Variants in TRIM49 observed in about 807,000 individuals in gnomAD.
TRIM49 encodes the protein tripartite motif containing 49.
A neutral mutation model predicts 27.4 loss-of-function variants in TRIM49; 5 were observed. The observed-to-expected ratio is 0.18, with a 90% confidence interval of 0.10 to 0.38. The LOEUF (loss-of-function observed/expected upper bound fraction) is 0.38, where lower values mean the gene tolerates loss of function less well. TRIM49 is among the 10% of genes least tolerant of loss of function. The pLI is 1.00. For synonymous variants in TRIM49, 69 were observed against 166.0 expected (o/e 0.42, Z 4.49); for missense variants, 188 against 487.5 (o/e 0.39, Z 5.79).
chr11:89,791,618 C>G, the TRIM49 span, among the ~76,000 whole-genome samples: 1 of 150,998 alleles, frequency 6.6e-6, no homozygotes, highest in Non-Finnish European at 1.5e-5. Flanking sequence ...AATTTTCAAC[C>G]CAGAATATCA....
At chr11:89,803,009 A>G (rs1449659287) in intron 4 of TRIM49, among the ~76,000 whole-genome samples, 1 of 150,594 alleles carries the variant, frequency 6.6e-6, no homozygotes, top group Admixed American at 6.6e-5. Flanking sequence ...TTTTCAACAA[A>G]CTAATCTTAG....
Position 89,798,400 on chromosome 11 carries a change from T to C in TRIM49, c.1089A>G (p.Lys363=), listed in dbSNP as rs560492199. ...WAFGVCNMYR[K]EKNQNEKIDG... ...CTATCTTCTCATTCTGATTCTTCTC[T>C]TTCCGATACATATTACAGACACCAA... Residue 363 remains lysine (K), a synonymous_variant, in exon 8 of 8, where the codon AAA becomes AAG. Coordinates refer to ENST00000329758, the MANE Select transcript of TRIM49 (RefSeq NM_020358.2). 59 of 1,603,564 alleles carry C rather than the reference T, an allele frequency of 3.7e-5. No individual in the cohort carries two copies. The highest frequency in any genetic ancestry group is 1.7e-4 in the Middle Eastern group (1 of 6,030).
chr11:89,802,889 ACT>A (rs1289226781), intron 4 of TRIM49, among the ~76,000 whole-genome samples: 7 of 148,936 alleles, frequency 4.7e-5, no homozygotes, highest in African/African-American at 1.8e-4. Context: ...TGACAATTTG[ACT>A]CTCTTATTTG....
Position 89,804,330 on chromosome 11 carries a change from G to A in TRIM49, c.140C>T (p.Pro47Leu). The stretch of plus-strand genomic sequence containing the variant: ...GCATTCAGAGCACTGGACAAGAAAT[G>A]GGATGTCTTGCCAGTTGAGGTAGAA... Reference protein sequence around the residue: ...PCFYLNWQDIPFLVQCSECTK... With the variant: ...PCFYLNWQDILFLVQCSECTK... The change falls in exon 3 of 8, where the codon CCA becomes CTA. Residue 47 changes from proline to leucine, a missense_variant. Pro to Leu is a moderately conservative substitution (Grantham distance 98). Coordinates refer to ENST00000329758, the MANE Select transcript of TRIM49 (RefSeq NM_020358.2). 6.2e-7 allele frequency: 1 copy of A among 1,611,734 alleles called. No individual in the cohort carries two copies. Among genetic ancestry groups the A allele is most frequent in the East Asian group, 2.2e-5 (1 of 44,834 alleles).
chr11:89,793,189 G>A (rs1300249576), downstream of TRIM49, among the ~76,000 whole-genome samples: 3 of 152,146 alleles, frequency 2.0e-5, no homozygotes, highest in East Asian at 5.8e-4. Context: ...CCAGGAAGAA[G>A]TTGAATCCCT....
the TRIM49 span, among the ~76,000 whole-genome samples, chr11:89,774,402 A>T: frequency 2.0e-5 from 3 of 150,906 alleles, no homozygotes; most frequent in Non-Finnish European, 4.4e-5. Flanking sequence ...TCTGGTTTTC[A>T]ATACTTTATA....
the TRIM49 span, among the ~76,000 whole-genome samples, chr11:89,776,785 T>G: frequency 6.6e-6 from 1 of 151,464 alleles, no homozygotes; most frequent in African/African-American, 2.4e-5. Context: ...CAATGGCTAT[T>G]GAGCGAAAAC....
At chr11:89,777,558 A>C in the TRIM49 span, among the ~76,000 whole-genome samples, 1 of 145,390 alleles carries the variant, frequency 6.9e-6, no homozygotes, top group African/African-American at 2.6e-5. Context: ...TTGGCACTCT[A>C]ATCATAGCTG....
the TRIM49 span, chr11:89,766,648 G>A: frequency 7.4e-7 from 1 of 1,357,782 alleles, no homozygotes; most frequent in Non-Finnish European, 1.0e-6. Context: ...GAGCCAGCTG[G>A]GTAATTCCAT....
the TRIM49 span, among the ~76,000 whole-genome samples, chr11:89,776,766 C>A: frequency 6.6e-6 from 1 of 151,844 alleles, no homozygotes; most frequent in African/African-American, 2.4e-5. Flanking sequence ...GAGTCCTGAA[C>A]CAAATCTTCA....
At chr11:89,773,932 G>T in the TRIM49 span, among the ~76,000 whole-genome samples, 43 of 135,166 alleles carry the variant, frequency 3.2e-4, 8 homozygotes, top group Admixed American at 6.9e-4. Flanking sequence ...GCAAGATACC[G>T]TCTCAAAAGA....
the TRIM49 span, among the ~76,000 whole-genome samples, chr11:89,770,543 T>A: frequency 2.1e-5 from 3 of 142,694 alleles, 1 homozygote; most frequent in African/African-American, 8.8e-5. Context: ...CTATACTATG[T>A]CTTTTCTGAC....
At chr11:89,777,497 T>G in the TRIM49 span, 2 of 1,438,264 alleles carry the variant, frequency 1.4e-6, no homozygotes, top group Non-Finnish European at 1.8e-6. Flanking sequence ...TGGTGATTAT[T>G]CCATGTCAAT....
At chr11:89,773,282 CAT>C in the TRIM49 span, among the ~76,000 whole-genome samples, 2,123 of 124,128 alleles carry the variant, frequency 0.017, 248 homozygotes, top group African/African-American at 0.04. Flanking sequence ...TAGTTATGTA[CAT>C]ATATATGTAA....
chr11:89,798,698 A>G, intron 7 of TRIM49, 69 bp from the exon 8 acceptor site: 1 of 1,394,702 alleles, frequency 7.2e-7, no homozygotes, highest in South Asian at 1.6e-5. Context: ...TTGTTCTATC[A>G]AGAAGTTACT....
the TRIM49 span, chr11:89,781,757 G>T: frequency 1.7e-6 from 1 of 593,428 alleles, no homozygotes; most frequent in African/African-American, 2.3e-5. Context: ...GGATGCATGG[G>T]GCTGAACTCT....
At chr11:89,791,254 C>A in the TRIM49 span, among the ~76,000 whole-genome samples, 1 of 152,100 alleles carries the variant, frequency 6.6e-6, no homozygotes, top group South Asian at 2.1e-4. Flanking sequence ...TGTGAAAAGA[C>A]CAAATCTGTG....
At chr11:89,776,854 T>C in the TRIM49 span, 5 of 758,838 alleles carry the variant, frequency 6.6e-6, 1 homozygote, top group South Asian at 7.6e-5. Flanking sequence ...AGCTAACTTA[T>C]TCGACATGTT....
chr11:89,786,298 A>G, the TRIM49 span: 1 of 148,384 alleles, frequency 6.7e-6, no homozygotes, highest in Non-Finnish European at 1.4e-5. Context: ...TGATACCACG[A>G]CTTTGTGGAT....
Sources: allele counts gnomAD v4.1 joint callset (sites outside exome capture counted in the v4.1 genomes callset), GRCh38; gene constraint gnomAD v4.1.1; transcripts MANE v1.5; gene names NCBI Gene and HGNC (gene_info 2026-07-23, HGNC 2026-07-21).